ZRANB3: variants seen among roughly 807,000 people sequenced by gnomAD.
ZRANB3 encodes DNA annealing helicase and endonuclease ZRANB3.
A neutral mutation model predicts 133.8 loss-of-function variants in ZRANB3; 125 were observed. The observed-to-expected ratio is 0.93, with a 90% CI of 0.81 to 1.08. ZRANB3 has a LOEUF of 1.08. Ranked by LOEUF, ZRANB3 falls within the 50% of genes least tolerant of loss-of-function variation. The probability of loss-of-function intolerance (pLI) is 0.00; values close to 1 mark genes in which losing one functional copy is unlikely to be tolerated. For synonymous variants in ZRANB3, 387 were observed against 432.7 expected (o/e 0.89, Z 1.31); for missense variants, 1,229 against 1,275.5 (o/e 0.96, Z 0.56).
At chr2:135,403,278 C>G (rs1305092185) in intron 2 of ZRANB3, among the ~76,000 whole-genome samples, 1 of 152,154 alleles carries the variant, frequency 6.6e-6, no homozygotes, top group Non-Finnish European at 1.5e-5. Flanking sequence ...TTCTAACGGT[C>G]TTAGCAAATG....
At chr2:135,465,612 A>C (rs549825723) in intron 2 of ZRANB3, among the ~76,000 whole-genome samples, 2 of 152,366 alleles carry the variant, frequency 1.3e-5, no homozygotes, top group Non-Finnish European at 2.9e-5. Context: ...GAAATGTCAA[A>C]GACTTCATGA....
At chr2:135,466,947 C>A (rs1488878880) in intron 2 of ZRANB3, among the ~76,000 whole-genome samples, 1 of 152,174 alleles carries the variant, frequency 6.6e-6, no homozygotes, top group African/African-American at 2.4e-5. Flanking sequence ...GCGTGAGCTA[C>A]CGCGCCTGGC....
Position 135,219,115 on chromosome 2 carries a change from A to C in ZRANB3, c.2314T>G (p.Leu772Val). Residue 772 changes from leucine (L) to valine (V), a missense_variant, in exon 16 of 21, where the codon TTA becomes GTA. By Grantham distance (32) the Leu-to-Val change is conservative. Coordinates refer to ENST00000264159, the MANE Select transcript of ZRANB3 (RefSeq NM_032143.4). The stretch of plus-strand genomic sequence containing the variant: ...TGTTTCAGCTGAAAGCTTGCTGGTA[A>C]ATCTTCCCAAAGGTCTAATTTTATA... ...LDIKLDLWED[L>V]PASFQLKQYR... 6.5e-7 allele frequency: 1 copy of C among 1,534,136 alleles called. No individual in the cohort carries two copies. The highest frequency in any genetic ancestry group is 8.7e-7 in the Non-Finnish European group (1 of 1,145,548).
chr2:135,335,577 C>T (rs1411914181), intron 6 of ZRANB3, among the ~76,000 whole-genome samples: 1 of 151,986 alleles, frequency 6.6e-6, no homozygotes, highest in Non-Finnish European at 1.5e-5. Context: ...CCTGCAGTCC[C>T]ACCTATTTGC....
intron 4 of ZRANB3, among the ~76,000 whole-genome samples, chr2:135,352,326 C>T (rs1006028845): frequency 2.3e-4 from 34 of 148,216 alleles, no homozygotes; most frequent in Non-Finnish European, 3.7e-4. Context: ...AGTGACACTC[C>T]GTCTCCAAAA....
At position 135,389,911 on chromosome 2, in the gene ZRANB3, C is replaced by T. The variant is rs1285146564; in HGVS notation, c.180+891G>A. Among the ~76,000 whole-genome samples the T allele has an allele frequency of 2.6e-5, 3 of 116,924 alleles. No individual in the cohort carries two copies. In the East Asian group the frequency reaches 8.5e-4, roughly 33 times the overall value. The allele number at this position is 116,924 out of a possible 152,430, so 76.7% of individuals were successfully genotyped here. On this transcript the variant is annotated intron_variant, in intron 3 of 20. Transcript: ENST00000264159. ...TTTTTTTTTTTTTGAGACGGAGTCT[C>T]ACTCTGTCGCCCAAGCTGGAGTGCA...
chr2:135,516,167 C>T (rs1693691045), intron 1 of ZRANB3, among the ~76,000 whole-genome samples: 3 of 151,932 alleles, frequency 2.0e-5, no homozygotes, highest in South Asian at 4.1e-4. Context: ...TATTTTGAGC[C>T]TATGTGTGTC....
At chr2:135,451,448 G>A (rs1450874730) in intron 2 of ZRANB3, among the ~76,000 whole-genome samples, 1 of 152,138 alleles carries the variant, frequency 6.6e-6, no homozygotes, top group East Asian at 1.9e-4. Flanking sequence ...TGTAATCCCA[G>A]CTACTTGGGA....
intron 4 of ZRANB3, among the ~76,000 whole-genome samples, chr2:135,352,221 A>G (rs1157222094): frequency 6.6e-6 from 1 of 151,386 alleles, no homozygotes; most frequent in East Asian, 1.9e-4. Context: ...AATCCCAGCT[A>G]CTCGGGAGGC....
chr2:135,238,393 CTTT>C (rs376967394), intron 12 of ZRANB3, among the ~76,000 whole-genome samples: 2 of 138,466 alleles, frequency 1.4e-5, no homozygotes, highest in East Asian at 2.1e-4. Flanking sequence ...TGCTGTGTGA[CTTT>C]TTTTTTTTTT....
intron 12 of ZRANB3, among the ~76,000 whole-genome samples, chr2:135,252,483 A>G (rs989797757): frequency 1.3e-5 from 2 of 152,232 alleles, no homozygotes; most frequent in African/African-American, 4.8e-5. Context: ...ATAGCAAAAT[A>G]TCATATAACA....
rs1206395772 is a variant in ZRANB3 at position 135,207,434 on chromosome 2, C to T, written c.3009G>A (p.Gln1003=). 3.7e-6 allele frequency: 6 copies of T among 1,600,588 alleles called. No homozygotes were observed. The South Asian group carries it at 4.5e-5, about 12-fold the overall frequency. Residue 1003 remains glutamine, a splice_region_variant and synonymous_variant, in exon 19 of 21, where the codon CAG becomes CAA. Coordinates refer to ENST00000264159, the MANE Select transcript of ZRANB3 (RefSeq NM_032143.4). ...ATWTSKLPLE[Q]LNEMIRNPGE... is the part of the protein sequence containing the mutation. ...TATCTATCACATGATTATAACTTAC[C>T]TGTTCTAATGGGAGCTTTGAAGTCC...
At chr2:135,484,862 C>T (rs868799417) in intron 2 of ZRANB3, among the ~76,000 whole-genome samples, 11 of 151,496 alleles carry the variant, frequency 7.3e-5, no homozygotes, top group East Asian at 3.9e-4. Context: ...AGTGAAACCC[C>T]GCCTCTACTA....
chr2:135,441,305 C>G (rs959563000), intron 2 of ZRANB3, among the ~76,000 whole-genome samples: 1 of 152,058 alleles, frequency 6.6e-6, no homozygotes, highest in Non-Finnish European at 1.5e-5. Context: ...CCAACAGAGG[C>G]AAGAGGGCAA....
At chr2:135,414,125 G>A (rs1688442556) in intron 2 of ZRANB3, among the ~76,000 whole-genome samples, 1 of 151,974 alleles carries the variant, frequency 6.6e-6, no homozygotes, top group African/African-American at 2.4e-5. Flanking sequence ...CATGTAAATG[G>A]ACTAAATGCT....
intron 17 of ZRANB3, 87 bp downstream of exon 17, chr2:135,217,378 G>A (rs774417362): frequency 4.7e-5 from 60 of 1,266,030 alleles, no homozygotes; most frequent in Non-Finnish European, 5.5e-5. Context: ...GATTTCATTA[G>A]TGGTTCCAAA....
At chr2:135,232,161 G>A (rs970606628) in intron 12 of ZRANB3, among the ~76,000 whole-genome samples, 1 of 152,190 alleles carries the variant, frequency 6.6e-6, no homozygotes, top group Non-Finnish European at 1.5e-5. Flanking sequence ...GCCTGGCTCA[G>A]AGGGTCCTAC....
chr2:135,402,494 C>A (rs552853710), intron 2 of ZRANB3, among the ~76,000 whole-genome samples: 2 of 151,992 alleles, frequency 1.3e-5, no homozygotes, highest in East Asian at 3.9e-4. Context: ...TGGGGATTCA[C>A]CGTGTTAGCC....
At chr2:135,289,796 G>A (rs938696979) in intron 8 of ZRANB3, among the ~76,000 whole-genome samples, 30 of 152,260 alleles carry the variant, frequency 2.0e-4, no homozygotes, top group Admixed American at 2.0e-3. Flanking sequence ...TCAGCTACAT[G>A]GGAGGCTGAG....
Sources: gnomAD v4.1 joint callset for allele counts (sites outside exome capture counted in the v4.1 genomes callset) on GRCh38, gnomAD v4.1.1 for gene constraint, MANE v1.5 for transcripts, NCBI Gene and HGNC (gene_info 2026-07-23, HGNC 2026-07-21) for gene names.